The following CUX2 variants were observed in gnomAD, a reference collection of about 807,000 sequenced individuals.
The protein encoded by CUX2 is cut like homeobox 2.
Under a neutral mutation model 144.8 loss-of-function variants are expected in CUX2, and 40 were observed. That is an observed-to-expected ratio of 0.28 (90% CI 0.21 to 0.36). CUX2 has a LOEUF of 0.36. Ranked by LOEUF, CUX2 falls within the 10% of genes least tolerant of loss-of-function variation. The probability of loss-of-function intolerance (pLI) is 1.00; values close to 1 mark genes in which losing one functional copy is unlikely to be tolerated. For missense variants in CUX2, 1,615 were observed against 1,994.0 expected (o/e 0.81, Z 3.62); for synonymous variants, 827 against 875.6 (o/e 0.94, Z 0.98).
intron 3 of CUX2, among the ~76,000 whole-genome samples, chr12:111,220,795 G>A (rs893197816): frequency 2.1e-5 from 3 of 144,626 alleles, no homozygotes; most frequent in Admixed American, 7.0e-5. Flanking sequence ...AATGAGCTGG[G>A]CATGGTGGCT....
chr12:111,141,227 A>AACACACACACACACAC (rs111451932), intron 1 of CUX2, among the ~76,000 whole-genome samples: 80 of 147,446 alleles, frequency 5.4e-4, no homozygotes, highest in African/African-American at 1.9e-3. Flanking sequence ...GGCTTAGGTC[A>AACACACACACACACAC]ACACACACAC....
intron 18 of CUX2, among the ~76,000 whole-genome samples, chr12:111,328,580 T>TTGTGTGTGTG (rs568983449): frequency 0.016 from 2,107 of 135,822 alleles, 37 homozygotes; most frequent in Admixed American, 0.046. Context: ...CCAATTTCTT[T>TTGTGTGTGTG]TGTGTGTGTG....
chr12:111,109,050 G>A (rs1328085410), intron 1 of CUX2, among the ~76,000 whole-genome samples: 1 of 152,204 alleles, frequency 6.6e-6, no homozygotes, highest in Admixed American at 6.5e-5. Context: ...TTCAGGAGCT[G>A]TCAGCCGGTC....
rs1592843080 is a variant in CUX2, at chr12:111,211,001, C to T, written c.64-3199C>T. 3.3e-5 allele frequency among the ~76,000 whole-genome samples: 5 copies of T among 152,284 alleles called. No individual in the cohort carries two copies. In the South Asian group the frequency reaches 1.0e-3, roughly 32 times the overall value. ...TATTAGAATTGACTGTAGTATATTT[C>T]CAAGCCCCTGTTTGAATCACCATAC... On this transcript the variant is annotated intron_variant, in intron 1 of 21. Coordinates refer to ENST00000261726, the MANE Select transcript of CUX2 (RefSeq NM_015267.4).
rs1170761148 is a variant in CUX2, at chr12:111,068,482, A to T, written c.63+34242A>T. Reference sequence around the variant, plus strand: ...CCGGGGTGACTGTGGAGACGCCTGCAACAGTGAGCTTTTTTATTTTTTTCC... The same window carrying T: ...CCGGGGTGACTGTGGAGACGCCTGCTACAGTGAGCTTTTTTATTTTTTTCC... On this transcript the variant is annotated intron_variant, in intron 1 of 21. Transcript: ENST00000261726. This position sits in a 1 kb window ranked among gnomAD's most constrained non-coding sequence, Gnocchi z 4.9. Among the ~76,000 whole-genome samples, 1 of 152,222 alleles carries T rather than the reference A, an allele frequency of 6.6e-6. No homozygotes were observed.
chr12:111,328,834 C>A (rs1005056523), intron 18 of CUX2, among the ~76,000 whole-genome samples: 2 of 151,964 alleles, frequency 1.3e-5, no homozygotes, highest in African/African-American at 4.8e-5. Flanking sequence ...GTGATCCACC[C>A]ACCTTGGCCT....
chr12:111,102,071 T>C (rs1352782811), intron 1 of CUX2, among the ~76,000 whole-genome samples: 1 of 152,252 alleles, frequency 6.6e-6, no homozygotes, highest in Non-Finnish European at 1.5e-5. Flanking sequence ...ACACAATGTG[T>C]AACCCACTCT....
chr12:111,236,142 C>T (rs1398984726), intron 3 of CUX2, among the ~76,000 whole-genome samples: 1 of 152,202 alleles, frequency 6.6e-6, no homozygotes, highest in Non-Finnish European at 1.5e-5. Flanking sequence ...TTCCATGACA[C>T]TATGCCTAGC....
intron 1 of CUX2, among the ~76,000 whole-genome samples, chr12:111,158,527 T>C (rs1295066516): frequency 6.7e-6 from 1 of 149,212 alleles, no homozygotes; most frequent in Non-Finnish European, 1.5e-5. Flanking sequence ...AGTATGCCAT[T>C]GTGTGAGTGG....
At chr12:111,220,840 G>A (rs932564354) in intron 3 of CUX2, among the ~76,000 whole-genome samples, 3 of 150,076 alleles carry the variant, frequency 2.0e-5, no homozygotes, top group African/African-American at 4.9e-5. Context: ...GGAGGCTGAG[G>A]TGGGAGGATC....
intron 3 of CUX2, among the ~76,000 whole-genome samples, chr12:111,247,616 C>G (rs1420306189): frequency 6.6e-6 from 1 of 152,200 alleles, no homozygotes; most frequent in Non-Finnish European, 1.5e-5. Flanking sequence ...CAGCAGGTGT[C>G]ACTGGGGCCT....
intron 3 of CUX2, among the ~76,000 whole-genome samples, chr12:111,258,633 G>T (rs988402880): frequency 6.6e-6 from 1 of 151,996 alleles, no homozygotes; most frequent in Non-Finnish European, 1.5e-5. Flanking sequence ...TTGAAAGTCC[G>T]TTGACTTTGG....
rs1885901289 is a variant in CUX2, at chr12:111,295,072, G to A, written c.561-261G>A. Among the ~76,000 whole-genome samples the A allele has an allele frequency of 6.6e-6, 1 of 152,186 alleles. No individual in the cohort carries two copies. Among genetic ancestry groups the A allele is most frequent in the African/African-American group, 2.4e-5 (1 of 41,442 alleles). On this transcript the variant is annotated intron_variant, in intron 6 of 21. Transcript: ENST00000261726. The surrounding 1 kb of genome is among the most constrained non-coding windows in gnomAD (Gnocchi z 5.0). ...TTAAAAATAAGGAAACTGAGGACCA[G>A]AGAGGTTGCTTGCTACTGTAAATTT...
intron 1 of CUX2, among the ~76,000 whole-genome samples, chr12:111,210,480 G>A (rs1182828441): frequency 6.6e-6 from 1 of 152,104 alleles, no homozygotes; most frequent in Non-Finnish European, 1.5e-5. Context: ...TTAGCTGTCA[G>A]TTTATCTAAA....
intron 1 of CUX2, among the ~76,000 whole-genome samples, chr12:111,134,841 G>A (rs1875752495): frequency 6.6e-6 from 1 of 152,280 alleles, no homozygotes; most frequent in South Asian, 2.1e-4. Context: ...GGGTGGGAAA[G>A]GGAACTCCAG....
At chr12:111,202,243 A>G (rs1255463892) in intron 1 of CUX2, among the ~76,000 whole-genome samples, 2 of 152,230 alleles carry the variant, frequency 1.3e-5, no homozygotes, top group Non-Finnish European at 2.9e-5. Flanking sequence ...AGAGGGGCAC[A>G]AGGGGTCCCC....
intron 3 of CUX2, among the ~76,000 whole-genome samples, chr12:111,237,485 C>T (rs76206524): frequency 0.019 from 2,921 of 152,296 alleles, 40 homozygotes; most frequent in Middle Eastern, 0.034. Context: ...CAACCGTGCC[C>T]GACTCGAAGG....
intron 1 of CUX2, among the ~76,000 whole-genome samples, chr12:111,084,095 C>G (rs980760040): frequency 6.6e-6 from 1 of 152,156 alleles, no homozygotes; most frequent in Non-Finnish European, 1.5e-5. Context: ...AGAGGCATCA[C>G]GCTGTGCTTG....
chr12:111,232,364 CGTG>C (rs1392060448), intron 3 of CUX2, among the ~76,000 whole-genome samples: 5 of 151,076 alleles, frequency 3.3e-5, no homozygotes, highest in African/African-American at 9.7e-5. Flanking sequence ...ATTAGCTGGG[CGTG>C]GTGGTGCACA....
Sources: gnomAD v4.1 joint callset for allele counts (sites outside exome capture counted in the v4.1 genomes callset) on GRCh38, gnomAD v4.1.1 for gene constraint, Gnocchi (gnomAD v3.1) non-coding constraint, MANE v1.5 for transcripts, NCBI Gene and HGNC (gene_info 2026-07-23, HGNC 2026-07-21) for gene names.